The following ENOSF1 variants were observed in gnomAD, a reference collection of about 807,000 sequenced individuals.
The protein encoded by ENOSF1 is mitochondrial enolase superfamily member 1.
In ENOSF1, 73 loss-of-function variants were observed where a neutral mutation model predicts 68.2. That is an observed-to-expected ratio of 1.07 (90% CI 0.89 to 1.30). ENOSF1 has a LOEUF of 1.30. Ranked by LOEUF, ENOSF1 falls within the 50% of genes most tolerant of loss-of-function variation. ENOSF1 has a pLI of 0.00. For synonymous variants in ENOSF1, 223 were observed against 210.4 expected, an observed-to-expected ratio of 1.06 and a Z score of -0.52; for missense variants, 589 against 554.5, an observed-to-expected ratio of 1.06 and a Z score of -0.62.
chr18:667,029 T>A (rs371001141), downstream of ENOSF1, among the ~76,000 whole-genome samples: 8 of 11,302 alleles, frequency 7.1e-4, 1 homozygote, highest in South Asian at 3.1e-3. Context: ...ATGGAGATGG[T>A]GATGGAGATG....
chr18:677,356 G>C lies in ENOSF1; in HGVS notation c.1137C>G (p.Ser379Arg). The C allele has an allele frequency of 6.2e-7, 1 of 1,613,502 alleles. No homozygotes were observed. Among genetic ancestry groups the C allele is most frequent in the Non-Finnish European group, 8.5e-7 (1 of 1,179,686 alleles). Residue 379 changes from serine (S) to arginine (R), a missense_variant, in exon 14 of 16, where the codon AGC becomes AGG. Ser to Arg is a moderately radical substitution (Grantham distance 110, BLOSUM62 -1). Coordinates refer to ENST00000647584, the MANE Select transcript of ENOSF1 (RefSeq NM_017512.7). ...IIFDYISVSA[S>R]LENRVCEYVD... The stretch of plus-strand genomic sequence containing the variant: ...GCCACATTACTGACCTATTTTCAAG[G>C]CTTGCAGAAACTGATATGTAGTCAA...
intron 10 of ENOSF1, among the ~76,000 whole-genome samples, 182 bp from the exon 11 acceptor site, chr18:683,562 C>T (rs981947649): frequency 2.6e-5 from 4 of 152,122 alleles, no homozygotes; most frequent in Admixed American, 6.5e-5. Flanking sequence ...GCTGCTGAGA[C>T]GGGGACTCTG....
intron 2 of ENOSF1, among the ~76,000 whole-genome samples, chr18:698,910 C>T (rs1356846390): frequency 6.6e-6 from 1 of 152,148 alleles, no homozygotes; most frequent in East Asian, 1.9e-4. Context: ...GCCTGAGACA[C>T]TGCACCCAGC....
intron 15 of ENOSF1, 145 bp from the exon 16 acceptor site, chr18:674,551 G>A: frequency 1.9e-6 from 1 of 536,052 alleles, no homozygotes; most frequent in South Asian, 2.4e-5. Flanking sequence ...TGGAGTCACT[G>A]TCCGTTGCCC....
chr18:681,952 C>T (rs1315197537), intron 11 of ENOSF1, among the ~76,000 whole-genome samples: 1 of 152,186 alleles, frequency 6.6e-6, no homozygotes, highest in East Asian at 1.9e-4. Flanking sequence ...CGACTCCACA[C>T]CTCCAGTACG....
chr18:670,409 G>A lies in ENOSF1; in HGVS notation c.*3896C>T. On this transcript the variant is annotated 3_prime_UTR_variant, in exon 16 of 16. Coordinates refer to ENST00000647584, the MANE Select transcript of ENOSF1 (RefSeq NM_017512.7). Reference sequence around the variant, plus strand: ...AAACAGAATTATTCCTGCTGTATTTGTAATCTGGTGCCACGAGGTAGCCCA... The same window carrying A: ...AAACAGAATTATTCCTGCTGTATTTATAATCTGGTGCCACGAGGTAGCCCA... 5.9e-6 allele frequency: 2 copies of A among 340,584 alleles called. No individual in the cohort carries two copies. Among genetic ancestry groups the A allele is most frequent in the East Asian group, 1.1e-4 (2 of 18,478 alleles). 21.1% of individuals were successfully genotyped at this position (340,584 alleles called of 1,614,324 possible). A position where few individuals can be genotyped will look rare whatever the true frequency, so the allele number is the denominator to read the frequency against.
At chr18:689,332 G>C (rs916470121) in intron 8 of ENOSF1, among the ~76,000 whole-genome samples, 1 of 152,168 alleles carries the variant, frequency 6.6e-6, no homozygotes, top group Non-Finnish European at 1.5e-5. Flanking sequence ...CCAGGTTGGA[G>C]GGCAGTGGCG....
At chr18:685,178 T>C (rs924406077) in intron 10 of ENOSF1, among the ~76,000 whole-genome samples, 2 of 152,106 alleles carry the variant, frequency 1.3e-5, no homozygotes, top group Non-Finnish European at 2.9e-5. Context: ...TTTTTTCTTG[T>C]ATTTTTCGGT....
At chr18:704,403 G>C (rs903048840) in intron 2 of ENOSF1, among the ~76,000 whole-genome samples, 4 of 133,566 alleles carry the variant, frequency 3.0e-5, no homozygotes, top group African/African-American at 1.1e-4. Flanking sequence ...ACTCCAGGCT[G>C]GGCAACAGAG....
chr18:673,635 G>C lies in ENOSF1; in HGVS notation c.*670C>G, dbSNP rs1006944876. ...AAAAGAGTATATTTTAGAAATAATA[G>C]TGAATATATTTTGCCCTATTTTTCT... On this transcript the variant is annotated 3_prime_UTR_variant, in exon 16 of 16. Transcript: ENST00000647584. 1 of 170,436 alleles carries C rather than the reference G, an allele frequency of 5.9e-6. No individual in the cohort carries two copies. Among genetic ancestry groups the C allele is most frequent in the Non-Finnish European group, 1.3e-5 (1 of 79,488 alleles). 10.6% of individuals were successfully genotyped at this position (170,436 alleles called of 1,614,324 possible). A position where few individuals can be genotyped will look rare whatever the true frequency, so the allele number is the denominator to read the frequency against.
Position 670,616 on chromosome 18 carries a change from C to A in ENOSF1, c.*3689G>T. The A allele has an allele frequency of 6.5e-7, 1 of 1,526,782 alleles. No individual in the cohort carries two copies. The highest frequency in any genetic ancestry group is 8.9e-7 in the Non-Finnish European group (1 of 1,119,140). 94.6% of individuals were successfully genotyped at this position (1,526,782 alleles called of 1,614,324 possible). A position where few individuals can be genotyped will look rare whatever the true frequency, so the allele number is the denominator to read the frequency against. ...ACCATATGAGTTGGCTTCTGTTTCT[C>A]TCCTGTTTTACTTTGCCTTTAGCTG... On this transcript the variant is annotated 3_prime_UTR_variant, in exon 16 of 16. Coordinates refer to ENST00000647584, the MANE Select transcript of ENOSF1 (RefSeq NM_017512.7).
At chr18:706,832 T>C in intron 1 of ENOSF1, 1 of 154,918 alleles carries the variant, frequency 6.5e-6, no homozygotes, top group Non-Finnish European at 1.4e-5. Flanking sequence ...TTTTTTTTCT[T>C]TTTTGAGACA....
At chr18:692,816 G>A in intron 5 of ENOSF1, 1 of 1,041,566 alleles carries the variant, frequency 9.6e-7, no homozygotes, top group South Asian at 3.3e-5. Flanking sequence ...TTCCCCTACG[G>A]ATGGCCCGGA....
At chr18:705,820 T>C (rs2847168) in intron 2 of ENOSF1, among the ~76,000 whole-genome samples, 91,977 of 151,540 alleles carry the variant, frequency 0.61, 28,247 homozygotes, top group African/African-American at 0.72. Flanking sequence ...ACCAGCCTGG[T>C]CAACATGGTG....
chr18:712,281 C>A, intron 1 of ENOSF1: 3 of 1,530,496 alleles, frequency 2.0e-6, no homozygotes, highest in South Asian at 1.2e-5. Flanking sequence ...GCAATGGGTT[C>A]GAAGTCGGGA....
Position 712,578 on chromosome 18 carries a change from C to G in ENOSF1, c.10G>C (p.Gly4Arg), listed in dbSNP as rs1041897857. ...CGGACCGAGAGCCGGGAGATCCTGC[C>G]GCGCACCATGGCCCCTGCGCCCCGT... MVR[G>R]RISRLSVRDV... The change falls in exon 1 of 16, where the codon GGC (glycine) becomes CGC (arginine). Residue 4 changes from glycine (G) to arginine (R), a missense_variant. Physicochemically the swap from Gly to Arg is moderately radical, Grantham distance 125. Coordinates refer to ENST00000647584, the MANE Select transcript of ENOSF1 (RefSeq NM_017512.7). 3.9e-6 allele frequency: 6 copies of G among 1,537,506 alleles called. No individual in the cohort carries two copies. Among genetic ancestry groups the G allele is most frequent in the Admixed American group, 3.9e-5 (2 of 50,866 alleles).
chr18:702,056 G>A (rs1364175049), intron 2 of ENOSF1, among the ~76,000 whole-genome samples: 4 of 151,872 alleles, frequency 2.6e-5, no homozygotes, highest in Admixed American at 1.3e-4. Context: ...TTGAGCTCAG[G>A]AGTTCAAGAC....
intron 7 of ENOSF1, 71 bp from the exon 8 acceptor site, chr18:690,702 A>AAGCTGTTTCCCCTGTAGAGTCC (rs1555658040): frequency 6.3e-7 from 1 of 1,579,838 alleles, no homozygotes. Flanking sequence ...GCCTGTAGCT[A>AAGCTGTTTCCCCTGTAGAGTCC]AGCTGTTTCC....
rs139964566 is a variant in ENOSF1, at chr18:686,286, T to C, written c.654-278A>G. On this transcript the variant is annotated intron_variant, in intron 9 of 15. Transcript: ENST00000647584. ...TCTTTAATATAATTAACTCCGTTTTTGCCGGGCCATGAAAAGGAATTAAGA... is the reference window on the plus strand; with the variant it reads ...TCTTTAATATAATTAACTCCGTTTTCGCCGGGCCATGAAAAGGAATTAAGA... 274 of 373,330 alleles carry C rather than the reference T, an allele frequency of 7.3e-4. 1 individual carries two copies. Among genetic ancestry groups the C allele is most frequent in the African/African-American group, 5.0e-3 (245 of 48,914 alleles). The allele number at this position is 373,330 out of a possible 1,614,324, so 23.1% of individuals were successfully genotyped here. A position where few individuals can be genotyped will look rare whatever the true frequency, so the allele number is the denominator to read the frequency against.
Sources: allele counts gnomAD v4.1 joint callset (sites outside exome capture counted in the v4.1 genomes callset), GRCh38; gene constraint gnomAD v4.1.1; transcripts MANE v1.5; gene names NCBI Gene and HGNC (gene_info 2026-07-23, HGNC 2026-07-21).